Variants in PODN observed in about 807,000 individuals in gnomAD.
PODN encodes the protein podocan proteoglycan.
PODN carries 40 observed loss-of-function variants against 52.7 expected under a neutral mutation model. That is an observed-to-expected ratio of 0.76 (90% CI 0.59 to 0.99). The LOEUF (loss-of-function observed/expected upper bound fraction) is 0.99, where lower values mean the gene tolerates loss of function less well. Among genes scored for constraint, PODN ranks in the 50% least tolerant of loss-of-function variants. The pLI is 0.00. For missense variants in PODN, 720 were observed against 815.1 expected (o/e 0.88, Z 1.42); for synonymous variants, 396 against 377.9 (o/e 1.05, Z -0.56).
chr1:53,078,414 C>T lies in PODN; in HGVS notation c.904C>T (p.Arg302Trp), dbSNP rs775002974. ...GGATCTGTCCAGCAACAACCTGTCT[C>T]GGGTCCCAGCTGGGCTGCCGCGCAG... ...YLDLSSNNLS[R>W]VPAGLPRSLV... The change falls in exon 8 of 11, where the codon CGG (arginine) becomes TGG (tryptophan). Residue 302 changes from arginine to tryptophan, a missense_variant. Arg to Trp is a moderately radical substitution (Grantham distance 101). Coordinates refer to ENST00000312553, the MANE Select transcript of PODN (RefSeq NM_153703.5). 44 of 1,613,416 alleles carry T rather than the reference C, an allele frequency of 2.7e-5. No homozygotes were observed. Among genetic ancestry groups the T allele is most frequent in the Non-Finnish European group, 3.6e-5 (43 of 1,180,038 alleles).
chr1:53,083,313 G>C (rs1162056740), intron 10 of PODN, among the ~76,000 whole-genome samples: 1 of 152,198 alleles, frequency 6.6e-6, no homozygotes, highest in East Asian at 1.9e-4. Flanking sequence ...AGGGGCTCTG[G>C]CAAGATGCCC....
intron 10 of PODN, among the ~76,000 whole-genome samples, chr1:53,082,661 G>T (rs1299081009): frequency 6.6e-6 from 1 of 152,176 alleles, no homozygotes; most frequent in Non-Finnish European, 1.5e-5. Flanking sequence ...TGTAACACAG[G>T]CACCTACATG....
intron 5 of PODN, among the ~76,000 whole-genome samples, chr1:53,076,320 C>G (rs925701507): frequency 4.6e-5 from 7 of 152,168 alleles, no homozygotes; most frequent in Non-Finnish European, 7.4e-5. Context: ...GTGGTGCAGG[C>G]GGGGTGGGGG....
rs1169242328 is a variant in PODN at position 53,074,686 on chromosome 1, C to G, written c.471+16C>G. Reference sequence around the variant, plus strand: ...CAATAACAAGGTGAGGGGCTTGAGGCAGGGTGGGGGGTTGCTGCCCTGTCC... The same window carrying G: ...CAATAACAAGGTGAGGGGCTTGAGGGAGGGTGGGGGGTTGCTGCCCTGTCC... On this transcript the variant is annotated intron_variant, in intron 4 of 10. Coordinates refer to ENST00000312553, the MANE Select transcript of PODN (RefSeq NM_153703.5). 1 of 1,608,372 alleles carries G rather than the reference C, an allele frequency of 6.2e-7. No homozygotes were observed. Among genetic ancestry groups the G allele is most frequent in the East Asian group, 2.2e-5 (1 of 44,546 alleles).
rs1644088880 is a variant in PODN at position 53,069,909 on chromosome 1, C to T, written c.54C>T (p.His18=). ...TGCTGCTGCTGCCGCCACAGCTGCA[C>T]CTGGGACCTGTGCTTGCCGTGAGGG... ...LLLLLLPPQL[H]LGPVLAVRAP... is the part of the protein sequence containing the mutation. The change falls in exon 2 of 11, where the codon CAC becomes CAT. Residue 18 remains histidine (H), a synonymous_variant. Transcript: ENST00000312553. The T allele has an allele frequency of 6.4e-7, 1 of 1,571,998 alleles. No homozygotes were observed. Among genetic ancestry groups the T allele is most frequent in the African/African-American group, 1.4e-5 (1 of 74,032 alleles).
Position 53,070,175 on chromosome 1 carries a change from C to G in PODN, c.312+8C>G, listed in dbSNP as rs369787356. ...AACCACCTATCTCTGCAGGTGAGGT[C>G]GGCGTTGCACCTGTGGTCACGGGGG... On this transcript the variant is annotated splice_region_variant and intron_variant, in intron 2 of 10. Coordinates refer to ENST00000312553, the MANE Select transcript of PODN (RefSeq NM_153703.5). 6.2e-7 allele frequency: 1 copy of G among 1,603,676 alleles called. No homozygotes were observed. Among genetic ancestry groups the G allele is most frequent in the Admixed American group, 1.7e-5 (1 of 59,696 alleles).
At chr1:53,072,697 A>T (rs1644136802) in intron 3 of PODN, among the ~76,000 whole-genome samples, 2 of 152,162 alleles carry the variant, frequency 1.3e-5, no homozygotes, top group South Asian at 4.1e-4. Context: ...TTTATAACTA[A>T]TTTCATCTGA....
At position 53,080,893 on chromosome 1, in the gene PODN, G is replaced by A. The variant is rs748015954; in HGVS notation, c.1661+17G>A. ...CTTTCTCAGGTAGGAGCCCACTCGC[G>A]GCCCTGTACACACCCCCGTGGGGCC... On this transcript the variant is annotated intron_variant, in intron 9 of 10. Transcript: ENST00000312553. 1.1e-5 allele frequency: 18 copies of A among 1,613,030 alleles called. No homozygotes were observed. The highest frequency in any genetic ancestry group is 6.7e-5 in the East Asian group (3 of 44,886).
chr1:53,077,056 G>A (rs761020011), intron 5 of PODN, 134 bp from the exon 6 acceptor site: 12 of 1,110,520 alleles, frequency 1.1e-5, no homozygotes, highest in Non-Finnish European at 1.4e-5. Context: ...CAACATCTGA[G>A]GTGCTTCTAA....
intron 6 of PODN, among the ~76,000 whole-genome samples, 162 bp from the exon 7 acceptor site, chr1:53,077,523 C>A (rs1182310569): frequency 6.6e-6 from 1 of 152,190 alleles, no homozygotes; most frequent in Non-Finnish European, 1.5e-5. Context: ...GGGCACCTGG[C>A]CAGTGGGTTG....
At chr1:53,077,845 G>A (rs779162795) in intron 7 of PODN, 45 bp downstream of exon 7, 51 of 1,541,062 alleles carry the variant, frequency 3.3e-5, no homozygotes, top group East Asian at 1.6e-4. Context: ...CACGGGGCCC[G>A]GGAAGCTCCT....
chr1:53,072,443 G>C (rs972967989), intron 3 of PODN, among the ~76,000 whole-genome samples: 2 of 152,216 alleles, frequency 1.3e-5, no homozygotes, highest in African/African-American at 4.8e-5. Context: ...CTTTTGGACA[G>C]AGTTCTAAAA....
chr1:53,064,306 AC>A (rs1644002376), intron 1 of PODN, among the ~76,000 whole-genome samples: 1 of 152,198 alleles, frequency 6.6e-6, no homozygotes, highest in Non-Finnish European at 1.5e-5. Flanking sequence ...ACCCAGAAAC[AC>A]CCTAACCCAG....
intron 1 of PODN, among the ~76,000 whole-genome samples, chr1:53,063,956 C>A (rs1011175881): frequency 6.6e-6 from 1 of 152,144 alleles, no homozygotes; most frequent in African/African-American, 2.4e-5. Flanking sequence ...TAGCCCCACC[C>A]CTACCTTTTG....
At chr1:53,079,056 T>C in intron 8 of PODN, 34 bp downstream of exon 8, 1 of 1,481,592 alleles carries the variant, frequency 6.7e-7, no homozygotes, top group African/African-American at 1.4e-5. Context: ...GCCATGCCCA[T>C]GGAGGGGGGT....
chr1:53,077,862 C>A, intron 7 of PODN, 62 bp downstream of exon 7: 2 of 1,401,724 alleles, frequency 1.4e-6, no homozygotes, highest in Non-Finnish European at 2.0e-6. Context: ...TCCTTCAGGG[C>A]CAACCATCCA....
chr1:53,066,779 G>A (rs1345769551), intron 1 of PODN: 15 of 1,520,216 alleles, frequency 9.9e-6, no homozygotes, highest in Non-Finnish European at 1.2e-5. Context: ...GGTGCAGAAT[G>A]TTAATATAAA....
At chr1:53,066,923 G>A in intron 1 of PODN, 2 of 1,506,288 alleles carry the variant, frequency 1.3e-6, no homozygotes, top group Non-Finnish European at 9.0e-7. Flanking sequence ...CTTCTCCTTG[G>A]CCTTCTGCCC....
At chr1:53,077,467 G>A (rs898071597) in intron 6 of PODN, 121 bp downstream of exon 6, 85 of 1,423,884 alleles carry the variant, frequency 6.0e-5, no homozygotes, top group Non-Finnish European at 7.0e-5. Context: ...GTGGGGCCCC[G>A]GGGCTGACAG....
Sources: allele counts gnomAD v4.1 joint callset (sites outside exome capture counted in the v4.1 genomes callset), GRCh38; gene constraint gnomAD v4.1.1; transcripts MANE v1.5; gene names NCBI Gene and HGNC (gene_info 2026-07-23, HGNC 2026-07-21).